TSPYL1: variants seen among roughly 807,000 people sequenced by gnomAD.
TSPYL1 encodes the protein TSPY like 1, also known as testis-specific Y-encoded-like protein 1.
TSPYL1 carries 16 observed loss-of-function variants against 20.1 expected under a neutral mutation model. The ratio of observed to expected loss-of-function variants is 0.80; its 90% CI spans 0.54 to 1.21. TSPYL1 has a LOEUF of 1.21. Among genes scored for constraint, TSPYL1 ranks in the 50% most tolerant of loss-of-function variants. TSPYL1 has a pLI of 0.00. For synonymous variants in TSPYL1, 259 were observed against 227.1 expected (o/e 1.14, Z -1.26); for missense variants, 560 against 569.3 (o/e 0.98, Z 0.17).
At position 116,276,360 on chromosome 6, in the gene TSPYL1, A is replaced by G. The variant is rs1562195819; in HGVS notation, c.*2157T>C. Among the ~76,000 whole-genome samples, 1 of 152,212 alleles carries G rather than the reference A, an allele frequency of 6.6e-6. No individual in the cohort carries two copies. The highest frequency in any genetic ancestry group is 6.5e-5 in the Admixed American group (1 of 15,288). ...TAATTTATGGAGACAGAAATGGAGG[A>G]TTTGAGCAACTGAAGGGGAGGTTGT... is the stretch of plus-strand genomic sequence containing the variant. On this transcript the variant is annotated 3_prime_UTR_variant, in exon 1 of 1. Coordinates refer to ENST00000368608, the MANE Select transcript of TSPYL1 (RefSeq NM_003309.4).
chr6:116,274,991 ATTAAT>A lies in TSPYL1; in HGVS notation c.*3521_*3525del, dbSNP rs869182330. ...ATTAAACAATGGCAAAATGAGGATA[ATTAAT>A]TTTTCAATATATTTTAACACAATGT... On this transcript the variant is annotated 3_prime_UTR_variant, in exon 1 of 1. Coordinates refer to ENST00000368608, the MANE Select transcript of TSPYL1 (RefSeq NM_003309.4). 2.0e-4 allele frequency among the ~76,000 whole-genome samples: 30 copies of A among 152,354 alleles called. No homozygotes were observed. The highest frequency in any genetic ancestry group is 7.0e-4 in the African/African-American group (29 of 41,582).
Position 116,278,949 on chromosome 6 carries a change from C to T in TSPYL1, c.882G>A (p.Arg294=), listed in dbSNP as rs765420700. 3 of 1,614,096 alleles carry T rather than the reference C, an allele frequency of 1.9e-6. No individual in the cohort carries two copies. Among genetic ancestry groups the T allele is most frequent in the South Asian group, 2.2e-5 (2 of 91,078 alleles). The change falls in exon 1 of 1, where the codon AGG becomes AGA. Residue 294 remains arginine (R), a synonymous_variant. Transcript: ENST00000368608. ...RNHPQLSAMI[R]GQDAEMLRYI... ...ACCTTAACATCTCTGCATCTTGGCCCCTAATCATGGCGGACAACTGGGGGT... is the reference window on the plus strand; with the variant it reads ...ACCTTAACATCTCTGCATCTTGGCCTCTAATCATGGCGGACAACTGGGGGT...
rs1773064138 is a variant in TSPYL1, at chr6:116,275,067, T to G, written c.*3450A>C. Among the ~76,000 whole-genome samples the G allele has an allele frequency of 6.6e-6, 1 of 152,206 alleles. No individual in the cohort carries two copies. Among genetic ancestry groups the G allele is most frequent in the Non-Finnish European group, 1.5e-5 (1 of 68,020 alleles). The stretch of plus-strand genomic sequence containing the variant: ...ATCAATATGAAAAAAATTGAGATAT[T>G]TTAACATTTTTCTTTCCATACTGAG... On this transcript the variant is annotated 3_prime_UTR_variant, in exon 1 of 1. Coordinates refer to ENST00000368608, the MANE Select transcript of TSPYL1 (RefSeq NM_003309.4).
Position 116,278,169 on chromosome 6 carries a change from A to G in TSPYL1, c.*348T>C. Reference sequence around the variant, plus strand: ...ACAGGCTCCCAAAGCTAGAAATCCAAGTGACAGCAACCAGTTCAGAGGCCC... The same window carrying G: ...ACAGGCTCCCAAAGCTAGAAATCCAGGTGACAGCAACCAGTTCAGAGGCCC... On this transcript the variant is annotated 3_prime_UTR_variant, in exon 1 of 1. Transcript: ENST00000368608. The G allele has an allele frequency of 3.2e-6, 1 of 314,952 alleles. No homozygotes were observed. Among genetic ancestry groups the G allele is most frequent in the Admixed American group, 4.4e-5 (1 of 22,800 alleles). 19.5% of individuals were successfully genotyped at this position (314,952 alleles called of 1,614,324 possible).
At position 116,276,204 on chromosome 6, in the gene TSPYL1, T is replaced by A. The variant is rs529451801; in HGVS notation, c.*2313A>T. 5.9e-5 allele frequency among the ~76,000 whole-genome samples: 9 copies of A among 152,080 alleles called. No homozygotes were observed. In the South Asian group the frequency reaches 1.9e-3, roughly 32 times the overall value. ...TGAAGGATTTGACAGAAGAGAACAG[T>A]GAGGAAGTTTAAAGAAAAAAAGGAA... is the stretch of plus-strand genomic sequence containing the variant. On this transcript the variant is annotated 3_prime_UTR_variant, in exon 1 of 1. Transcript: ENST00000368608.
In TSPYL1 at chr6:116,276,382, T is replaced by C. The variant is rs1773142813; in HGVS notation, c.*2135A>G. On this transcript the variant is annotated 3_prime_UTR_variant, in exon 1 of 1. Transcript: ENST00000368608. ...AGGATTTGAGCAACTGAAGGGGAGG[T>C]TGTGCTGCATAAACTACATGGAAAA... is the stretch of plus-strand genomic sequence containing the variant. Among the ~76,000 whole-genome samples the C allele has an allele frequency of 6.6e-6, 1 of 151,792 alleles. No individual in the cohort carries two copies. Among genetic ancestry groups the C allele is most frequent in the East Asian group, 1.9e-4 (1 of 5,182 alleles).
rs1773203314 is a variant in TSPYL1, at chr6:116,277,513, G to A, written c.*1004C>T. 6.6e-6 allele frequency: 1 copy of A among 152,224 alleles called. No individual in the cohort carries two copies. The highest frequency in any genetic ancestry group is 1.5e-5 in the Non-Finnish European group (1 of 68,060). 9.4% of individuals were successfully genotyped at this position (152,224 alleles called of 1,614,324 possible). A position where few individuals can be genotyped will look rare whatever the true frequency, so the allele number is the denominator to read the frequency against. On this transcript the variant is annotated 3_prime_UTR_variant, in exon 1 of 1. Transcript: ENST00000368608. ...GAGTTGATAAAAGGGCTAGGAAGTAGGAAGTTGGGAAGAAGGGGAGGGGCG... is the reference window on the plus strand; with the variant it reads ...GAGTTGATAAAAGGGCTAGGAAGTAAGAAGTTGGGAAGAAGGGGAGGGGCG...
rs1191238784 is a variant in TSPYL1 at position 116,274,989 on chromosome 6, TAATTA to T, written c.*3523_*3527del. ...ACATTAAACAATGGCAAAATGAGGATAATTAATTTTTCAATATATTTTAACACAAT... is the reference window on the plus strand; with the variant it reads ...ACATTAAACAATGGCAAAATGAGGATATTTTTCAATATATTTTAACACAAT... On this transcript the variant is annotated 3_prime_UTR_variant, in exon 1 of 1. Coordinates refer to ENST00000368608, the MANE Select transcript of TSPYL1 (RefSeq NM_003309.4). Among the ~76,000 whole-genome samples the T allele has an allele frequency of 1.3e-5, 2 of 152,226 alleles. No individual in the cohort carries two copies. Among genetic ancestry groups the T allele is most frequent in the Non-Finnish European group, 2.9e-5 (2 of 68,044 alleles).
At position 116,279,909 on chromosome 6, in the gene TSPYL1, C is replaced by A; in HGVS notation, c.-79G>T. ...AACTGGGAGCTAACCGCCGCTCGCA[C>A]CGCCCACCCTACAGTCTCACTAACA... On this transcript the variant is annotated 5_prime_UTR_variant, in exon 1 of 1. Transcript: ENST00000368608. The A allele has an allele frequency of 6.3e-7, 1 of 1,584,942 alleles. No homozygotes were observed. The highest frequency in any genetic ancestry group is 2.2e-5 in the East Asian group (1 of 44,758).
In TSPYL1 at chr6:116,278,484, G is replaced by A. The variant is rs748652875; in HGVS notation, c.*33C>T. ...ACAGGTCCAGCAGAAGGTGGTAGGA[G>A]ACCTTGTGCAGGAGTATTCCCAAGG... On this transcript the variant is annotated 3_prime_UTR_variant, in exon 1 of 1. Coordinates refer to ENST00000368608, the MANE Select transcript of TSPYL1 (RefSeq NM_003309.4). 8.6e-5 allele frequency: 138 copies of A among 1,612,992 alleles called. No individual in the cohort carries two copies. Among genetic ancestry groups the A allele is most frequent in the Non-Finnish European group, 1.1e-4 (131 of 1,179,926 alleles).
In TSPYL1 at chr6:116,276,158, G is replaced by A. The variant is rs1277270638; in HGVS notation, c.*2359C>T. 6.6e-6 allele frequency among the ~76,000 whole-genome samples: 1 copy of A among 152,148 alleles called. No individual in the cohort carries two copies. Among genetic ancestry groups the A allele is most frequent in the African/African-American group, 2.4e-5 (1 of 41,416 alleles). ...TGGGGAACAGAAAGACTTTGGCAGA[G>A]GAATTACCAAGGGCAGGCCTTGAAG... On this transcript the variant is annotated 3_prime_UTR_variant, in exon 1 of 1. Coordinates refer to ENST00000368608, the MANE Select transcript of TSPYL1 (RefSeq NM_003309.4).
In TSPYL1 at chr6:116,276,226, G is replaced by A. The variant is rs896249687; in HGVS notation, c.*2291C>T. Among the ~76,000 whole-genome samples the A allele has an allele frequency of 2.6e-5, 4 of 152,158 alleles. No individual in the cohort carries two copies. The highest frequency in any genetic ancestry group is 6.6e-5 in the Admixed American group (1 of 15,266). ...CAGTGAGGAAGTTTAAAGAAAAAAAGGAAGTTTTTACAGATGAGAAAGTAT... is the reference window on the plus strand; with the variant it reads ...CAGTGAGGAAGTTTAAAGAAAAAAAAGAAGTTTTTACAGATGAGAAAGTAT... On this transcript the variant is annotated 3_prime_UTR_variant, in exon 1 of 1. Coordinates refer to ENST00000368608, the MANE Select transcript of TSPYL1 (RefSeq NM_003309.4).
Position 116,279,108 on chromosome 6 carries a change from A to G in TSPYL1, c.723T>C (p.Thr241=), listed in dbSNP as rs373867202. 4 of 1,614,104 alleles carry G rather than the reference A, an allele frequency of 2.5e-6. No homozygotes were observed. The highest frequency in any genetic ancestry group is 2.5e-6 in the Non-Finnish European group (3 of 1,179,964). The part of the protein sequence containing the change: ...PLEAIQLELD[T]VNAQADRAFQ... ...AGGCCCTGTCGGCCTGAGCATTCACAGTGTCCAGTTCCAGCTGGATGGCCT... is the reference window on the plus strand; with the variant it reads ...AGGCCCTGTCGGCCTGAGCATTCACGGTGTCCAGTTCCAGCTGGATGGCCT... The change falls in exon 1 of 1, where the codon ACT becomes ACC. Residue 241 remains threonine (T), a synonymous_variant. Transcript: ENST00000368608.
Position 116,279,409 on chromosome 6 carries a change from G to A in TSPYL1, c.422C>T (p.Ala141Val). The A allele has an allele frequency of 1.9e-6, 3 of 1,613,248 alleles. No homozygotes were observed. Among genetic ancestry groups the A allele is most frequent in the Non-Finnish European group, 2.5e-6 (3 of 1,180,026 alleles). Residue 141 changes from alanine to valine, a missense_variant, in exon 1 of 1, where the codon GCG (alanine) becomes GTG (valine). By Grantham distance (64) the Ala-to-Val change is moderately conservative. Transcript: ENST00000368608. ...CTCCGCCCCCGCCGTCAGCTCAGAC[G>A]CGGATCTCTGGGCGCCACAGATTTC... is the stretch of plus-strand genomic sequence containing the variant. ...ALEICGAQRS[A>V]SELTAGAEAE...
chr6:116,279,474 G>A lies in TSPYL1; in HGVS notation c.357C>T (p.Arg119=), dbSNP rs1214313929. ...CACCCTGAACGCCCTTTTTCAGGCTGCGGTCGGCTGCCATCACCACAGAAG... is the reference window on the plus strand; with the variant it reads ...CACCCTGAACGCCCTTTTTCAGGCTACGGTCGGCTGCCATCACCACAGAAG... ...AAASVVMAAD[R]SLKKGVQGGE... The change falls in exon 1 of 1, where the codon CGC becomes CGT. Residue 119 remains arginine, a synonymous_variant. Coordinates refer to ENST00000368608, the MANE Select transcript of TSPYL1 (RefSeq NM_003309.4). 1.9e-6 allele frequency: 3 copies of A among 1,612,500 alleles called. No homozygotes were observed. The highest frequency in any genetic ancestry group is 2.2e-5 in the South Asian group (2 of 91,090).
chr6:116,278,861 AGAACTT>A lies in TSPYL1; in HGVS notation c.964_969del (p.Lys322_Phe323del). ...CTGAAGTAGGGGTTTCTTCTAAAGA[AGAACTT>A]GAACTTGCAACCGGTTCTAGGGTGT... On this transcript the variant is annotated inframe_deletion, in exon 1 of 1. Transcript: ENST00000368608. The A allele has an allele frequency of 6.2e-7, 1 of 1,614,192 alleles. No individual in the cohort carries two copies. Among genetic ancestry groups the A allele is most frequent in the Non-Finnish European group, 8.5e-7 (1 of 1,180,026 alleles).
Position 116,278,496 on chromosome 6 carries a change from G to T in TSPYL1, c.*21C>A, listed in dbSNP as rs112613011. The T allele has an allele frequency of 1.2e-3, 1,976 of 1,613,518 alleles. 19 individuals carry two copies. In the African/African-American group the frequency reaches 0.023, roughly 19 times the overall value. On this transcript the variant is annotated 3_prime_UTR_variant, in exon 1 of 1. Transcript: ENST00000368608. ...GAAGGTGGTAGGAGACCTTGTGCAG[G>T]AGTATTCCCAAGGGCAAATGTTAAC... is the stretch of plus-strand genomic sequence containing the variant.
In TSPYL1 at chr6:116,279,709, T is replaced by C. The variant is rs781049134; in HGVS notation, c.122A>G (p.Glu41Gly). Reference protein sequence around the residue: ...HQYLRLRDQSEATQVMAEPGE... With the variant: ...HQYLRLRDQSGATQVMAEPGE... The stretch of plus-strand genomic sequence containing the variant: ...CGGCTCCGCCATCACCTGTGTCGCC[T>C]CGCTTTGGTCGCGGAGCCTCAGGTA... Residue 41 changes from glutamate (E) to glycine (G), a missense_variant, in exon 1 of 1, where the codon GAG becomes GGG. By Grantham distance (98) the Glu-to-Gly change is moderately conservative. Coordinates refer to ENST00000368608, the MANE Select transcript of TSPYL1 (RefSeq NM_003309.4). 3 of 1,611,234 alleles carry C rather than the reference T, an allele frequency of 1.9e-6. No individual in the cohort carries two copies. Among genetic ancestry groups the C allele is most frequent in the Middle Eastern group, 1.6e-4 (1 of 6,062 alleles).
chr6:116,276,564 TTTAAGGACTTTAATGATTTTAATCCA>T lies in TSPYL1; in HGVS notation c.*1927_*1952del, dbSNP rs1773151615. The T allele has an allele frequency of 6.6e-6, 1 of 152,080 alleles. No homozygotes were observed. Among genetic ancestry groups the T allele is most frequent in the South Asian group, 2.1e-4 (1 of 4,826 alleles). 9.4% of individuals were successfully genotyped at this position (152,080 alleles called of 1,614,324 possible). A position where few individuals can be genotyped will look rare whatever the true frequency, so the allele number is the denominator to read the frequency against. ...TTCTGTAATTTTTAGTTAACATCAA[TTTAAGGACTTTAATGATTTTAATCCA>T]TTAAGAACTTTAATGATTTTAATCC... On this transcript the variant is annotated 3_prime_UTR_variant, in exon 1 of 1. Coordinates refer to ENST00000368608, the MANE Select transcript of TSPYL1 (RefSeq NM_003309.4).
Sources: gnomAD v4.1 joint callset for allele counts (sites outside exome capture counted in the v4.1 genomes callset) on GRCh38, gnomAD v4.1.1 for gene constraint, MANE v1.5 for transcripts, NCBI Gene and HGNC (gene_info 2026-07-23, HGNC 2026-07-21) for gene names.